The following MAGI2 variants were observed in gnomAD, a reference collection of about 807,000 sequenced individuals.
MAGI2 encodes the protein membrane associated guanylate kinase, WW and PDZ domain containing 2.
In MAGI2, 35 loss-of-function variants were observed where a neutral mutation model predicts 133.3. That is an observed-to-expected ratio of 0.26 (90% CI 0.20 to 0.35). The LOEUF (loss-of-function observed/expected upper bound fraction) is 0.35. MAGI2 is among the 10% of genes least tolerant of loss of function. MAGI2 has a pLI of 1.00. For missense variants in MAGI2, 1,636 were observed against 1,863.4 expected (o/e 0.88, Z 2.25); for synonymous variants, 729 against 710.6 (o/e 1.03, Z -0.41).
chr7:78,250,179 C>T (rs893190269), intron 10 of MAGI2, among the ~76,000 whole-genome samples: 1 of 151,990 alleles, frequency 6.6e-6, no homozygotes, highest in East Asian at 1.9e-4. Flanking sequence ...ATGTACTCAA[C>T]AGGACCAAAA....
chr7:78,573,343 T>TAG lies in MAGI2; in HGVS notation c.539-51699_539-51698insCT, dbSNP rs1220739228. ...ATAAATATATATATAAATATATATA[T>TAG]ATAGAGAGAGAGAATCCTGGAAATA... is the stretch of plus-strand genomic sequence containing the variant. On this transcript the variant is annotated intron_variant, in intron 3 of 21. Coordinates refer to ENST00000354212, the MANE Select transcript of MAGI2 (RefSeq NM_012301.4). Among the ~76,000 whole-genome samples, 7 of 69,106 alleles carry TAG rather than the reference T, an allele frequency of 1.0e-4. No homozygotes were observed. In the South Asian group the frequency reaches 2.2e-3, roughly 21 times the overall value. 45.3% of individuals were successfully genotyped at this position (69,106 alleles called of 152,430 possible).
chr7:78,261,962 A>C (rs1793558161), intron 9 of MAGI2, among the ~76,000 whole-genome samples: 1 of 152,190 alleles, frequency 6.6e-6, no homozygotes, highest in South Asian at 2.1e-4. Context: ...TGCTCTCAAC[A>C]CAGTTTATTC....
intron 1 of MAGI2, among the ~76,000 whole-genome samples, chr7:79,289,884 T>TA (rs1836326465): frequency 1.3e-5 from 2 of 151,486 alleles, no homozygotes; most frequent in Non-Finnish European, 3.0e-5. Flanking sequence ...AAAAAAAAAT[T>TA]TAAAAAATAA....
intron 6 of MAGI2, among the ~76,000 whole-genome samples, chr7:78,443,714 T>C (rs1389535955): frequency 6.6e-6 from 1 of 152,138 alleles, no homozygotes; most frequent in Non-Finnish European, 1.5e-5. Flanking sequence ...AAACATCCGA[T>C]AATTTTCTTC....
chr7:78,459,609 A>C (rs911235227), intron 6 of MAGI2, among the ~76,000 whole-genome samples: 1 of 152,236 alleles, frequency 6.6e-6, no homozygotes, highest in Admixed American at 6.5e-5. Context: ...GATAAAGATT[A>C]CTTTAATTAA....
intron 2 of MAGI2, among the ~76,000 whole-genome samples, chr7:78,641,508 G>A (rs566622655): frequency 4.6e-5 from 7 of 152,274 alleles, no homozygotes; most frequent in East Asian, 3.9e-4. Flanking sequence ...GTAAGAAGTC[G>A]TTTGCCCACC....
rs527593146 is a variant in MAGI2 at position 78,953,649 on chromosome 7, A to G, written c.418+53441T>C. On this transcript the variant is annotated intron_variant, in intron 2 of 21. Coordinates refer to ENST00000354212, the MANE Select transcript of MAGI2 (RefSeq NM_012301.4). Reference sequence around the variant, plus strand: ...AAAATTAATCTTCGTAACAACAAAGATTTTCTCCTCTGTCTTTGCTTAGTA... The same window carrying G: ...AAAATTAATCTTCGTAACAACAAAGGTTTTCTCCTCTGTCTTTGCTTAGTA... Among the ~76,000 whole-genome samples, 141 of 152,212 alleles carry G rather than the reference A, an allele frequency of 9.3e-4. 1 individual carries two copies. The highest frequency in any genetic ancestry group is 3.4e-3 in the Middle Eastern group (1 of 294).
At chr7:78,127,160 T>C in intron 19 of MAGI2, 37 bp downstream of exon 19, 2 of 1,470,260 alleles carry the variant, frequency 1.4e-6, no homozygotes, top group Non-Finnish European at 1.8e-6. Context: ...TCTGGAAGCC[T>C]TGGTCAGGAC....
chr7:78,553,861 C>G (rs1799567931), intron 3 of MAGI2, among the ~76,000 whole-genome samples: 1 of 152,028 alleles, frequency 6.6e-6, no homozygotes, highest in South Asian at 2.1e-4. Context: ...TTGTCCTACT[C>G]CAGGAAAATG....
intron 2 of MAGI2, among the ~76,000 whole-genome samples, chr7:78,766,152 T>G (rs886163794): frequency 5.3e-5 from 8 of 152,186 alleles, no homozygotes; most frequent in African/African-American, 1.9e-4. Flanking sequence ...CTCTCATCCC[T>G]GTGCCTTTAT....
intron 3 of MAGI2, among the ~76,000 whole-genome samples, chr7:78,576,129 G>A (rs1323961096): frequency 2.0e-5 from 1 of 49,034 alleles, no homozygotes; most frequent in Non-Finnish European, 4.2e-5. Context: ...AAACACTTCT[G>A]TAAATTCAGG....
At chr7:78,609,285 A>G (rs1806172028) in intron 3 of MAGI2, among the ~76,000 whole-genome samples, 1 of 152,168 alleles carries the variant, frequency 6.6e-6, no homozygotes, top group Non-Finnish European at 1.5e-5. Context: ...ACTCCTTGTC[A>G]ACTTGAAGCC....
chr7:79,254,840 G>T (rs1183202953), intron 1 of MAGI2, among the ~76,000 whole-genome samples: 1 of 152,122 alleles, frequency 6.6e-6, no homozygotes, highest in Non-Finnish European at 1.5e-5. Context: ...ACAATTAAGG[G>T]CACCTAATTC....
chr7:78,408,574 A>T (rs942584334), intron 6 of MAGI2, among the ~76,000 whole-genome samples: 1 of 152,000 alleles, frequency 6.6e-6, no homozygotes, highest in African/African-American at 2.4e-5. Context: ...ACTGCTTCTT[A>T]AAAAGTGTAA....
intron 2 of MAGI2, among the ~76,000 whole-genome samples, chr7:78,784,172 G>C (rs762820874): frequency 4.9e-4 from 74 of 150,888 alleles, no homozygotes; most frequent in Non-Finnish European, 9.9e-4. Context: ...GAAAAGTTCA[G>C]ATCAAGTGTA....
At chr7:78,170,834 T>C (rs1476490929) in intron 14 of MAGI2, 1 of 151,700 alleles carries the variant, frequency 6.6e-6, no homozygotes, top group Non-Finnish European at 1.5e-5. Context: ...TATATTATTA[T>C]ATAGTTACAT....
chr7:79,087,757 T>C (rs1332975814), intron 1 of MAGI2, among the ~76,000 whole-genome samples: 1 of 152,144 alleles, frequency 6.6e-6, no homozygotes, highest in African/African-American at 2.4e-5. Flanking sequence ...TAGGGAATCC[T>C]TTCCCCATTG....
intron 1 of MAGI2, among the ~76,000 whole-genome samples, chr7:79,440,915 T>A (rs1297740086): frequency 6.6e-6 from 1 of 152,202 alleles, no homozygotes; most frequent in Non-Finnish European, 1.5e-5. Flanking sequence ...ACAACATGAC[T>A]ACTGTGGCTT....
At chr7:78,832,963 A>G (rs560682303) in intron 2 of MAGI2, among the ~76,000 whole-genome samples, 9 of 152,250 alleles carry the variant, frequency 5.9e-5, no homozygotes, top group African/African-American at 2.2e-4. Context: ...ACCTGTTCAT[A>G]TGTATAAGAT....
Sources: allele counts gnomAD v4.1 joint callset (sites outside exome capture counted in the v4.1 genomes callset), GRCh38; gene constraint gnomAD v4.1.1; transcripts MANE v1.5; gene names NCBI Gene and HGNC (gene_info 2026-07-23, HGNC 2026-07-21).